The following ZDHHC5 variants were observed in gnomAD, a reference collection of about 807,000 sequenced individuals.
ZDHHC5 encodes the protein zDHHC palmitoyltransferase 5.
A neutral mutation model predicts 70.0 loss-of-function variants in ZDHHC5; 22 were observed. The ratio of observed to expected loss-of-function variants is 0.31; its 90% CI spans 0.22 to 0.45. The LOEUF (loss-of-function observed/expected upper bound fraction) is 0.45. ZDHHC5 is among the 20% of genes least tolerant of loss of function. The pLI, the probability that ZDHHC5 is intolerant of heterozygous loss-of-function variation, is 1.00. For synonymous variants in ZDHHC5, 313 were observed against 347.8 expected, an observed-to-expected ratio of 0.90 and a Z score of 1.11; for missense variants, 746 against 926.9, an observed-to-expected ratio of 0.80 and a Z score of 2.53.
intron 2 of ZDHHC5, among the ~76,000 whole-genome samples, chr11:57,678,366 C>A (rs139684470): frequency 2.6e-5 from 4 of 151,910 alleles, no homozygotes; most frequent in Admixed American, 2.0e-4. Context: ...GTCAGGAGAT[C>A]GAGACCATCC....
intron 8 of ZDHHC5, among the ~76,000 whole-genome samples, chr11:57,695,238 G>A (rs532119478): frequency 6.6e-6 from 1 of 152,012 alleles, no homozygotes; most frequent in Admixed American, 6.6e-5. Flanking sequence ...CTCCGCCTGG[G>A]CAACAAGACC....
At chr11:57,683,927 G>A (rs568171196) in intron 3 of ZDHHC5, among the ~76,000 whole-genome samples, 2 of 151,328 alleles carry the variant, frequency 1.3e-5, no homozygotes, top group African/African-American at 4.9e-5. Flanking sequence ...AGCTCCAATA[G>A]TATGGAAACT....
chr11:57,690,240 G>A (rs1321564742), intron 5 of ZDHHC5, 37 bp downstream of exon 5: 2 of 1,613,116 alleles, frequency 1.2e-6, no homozygotes. Flanking sequence ...GGGATTGGAA[G>A]GGGGAGGAAT....
Position 57,699,422 on chromosome 11 carries a change from A to T in ZDHHC5, c.1982+4A>T. ...TGCAGCCATTACTGACACCCAAGTAAGTATTAGTACTATCCTGACCCTTAG... is the reference window on the plus strand; with the variant it reads ...TGCAGCCATTACTGACACCCAAGTATGTATTAGTACTATCCTGACCCTTAG... On this transcript the variant is annotated splice_donor_region_variant and intron_variant, in intron 11 of 11. Transcript: ENST00000287169. 6.4e-7 allele frequency: 1 copy of T among 1,563,092 alleles called. No individual in the cohort carries two copies. Among genetic ancestry groups the T allele is most frequent in the Non-Finnish European group, 8.7e-7 (1 of 1,155,720 alleles).
chr11:57,696,935 T>C (rs1405068607), intron 10 of ZDHHC5, 62 bp downstream of exon 10: 1 of 1,541,546 alleles, frequency 6.5e-7, no homozygotes, highest in Non-Finnish European at 8.9e-7. Flanking sequence ...AGTGGCTCAT[T>C]CCTGTAATCC....
At chr11:57,680,248 G>A (rs1202187527) in intron 2 of ZDHHC5, among the ~76,000 whole-genome samples, 1 of 152,138 alleles carries the variant, frequency 6.6e-6, no homozygotes, top group Non-Finnish European at 1.5e-5. Context: ...GTGGTGGTGT[G>A]CATCTGTAGT....
At chr11:57,695,863 T>A in intron 8 of ZDHHC5, 57 bp from the exon 9 acceptor site, 1 of 1,584,474 alleles carries the variant, frequency 6.3e-7, no homozygotes, top group Non-Finnish European at 8.6e-7. Context: ...TTTAATACTT[T>A]GAGTTGCCAT....
chr11:57,682,690 C>A, intron 3 of ZDHHC5, 147 bp downstream of exon 3: 2 of 1,026,888 alleles, frequency 1.9e-6, no homozygotes, highest in Non-Finnish European at 2.6e-6. Flanking sequence ...TGATCTTGGG[C>A]CTTAAAGTCC....
At position 57,700,433 on chromosome 11, in the gene ZDHHC5, T is replaced by TA. The variant is rs1326538217; in HGVS notation, c.*403dup. On this transcript the variant is annotated 3_prime_UTR_variant, in exon 12 of 12. Transcript: ENST00000287169. ...ACATATAATATATATATATATATAT[T>TA]ATAAATATCAAAGAAATTATATATC... is the stretch of plus-strand genomic sequence containing the variant. The TA allele has an allele frequency of 5.5e-5, 8 of 145,216 alleles. No individual in the cohort carries two copies. Among genetic ancestry groups the TA allele is most frequent in the East Asian group, 4.4e-4 (2 of 4,594 alleles). The allele number at this position is 145,216 out of a possible 1,614,324, so 9.0% of individuals were successfully genotyped here. A position where few individuals can be genotyped will look rare whatever the true frequency, so the allele number is the denominator to read the frequency against.
Position 57,699,855 on chromosome 11 carries a change from CTT to C in ZDHHC5, c.1983-10_1983-9del, listed in dbSNP as rs1946417129. The C allele has an allele frequency of 1.2e-6, 2 of 1,614,232 alleles. No individual in the cohort carries two copies. Among genetic ancestry groups the C allele is most frequent in the Middle Eastern group, 1.6e-4 (1 of 6,062 alleles). ...ATTTCCTGACACCTACGTCTTGTCT[CTT>C]CTTTCCAGAGATGAAGTACAGCTGA... On this transcript the variant is annotated splice_polypyrimidine_tract_variant and intron_variant, in intron 11 of 11. Coordinates refer to ENST00000287169, the MANE Select transcript of ZDHHC5 (RefSeq NM_015457.3).
intron 2 of ZDHHC5, among the ~76,000 whole-genome samples, chr11:57,674,140 C>T (rs988232448): frequency 2.6e-5 from 4 of 151,762 alleles, no homozygotes; most frequent in South Asian, 2.1e-4. Context: ...TAGTTTCTGC[C>T]GAGGGAATGA....
At chr11:57,695,170 G>A (rs1195051240) in intron 8 of ZDHHC5, among the ~76,000 whole-genome samples, 1 of 152,154 alleles carries the variant, frequency 6.6e-6, no homozygotes, top group South Asian at 2.1e-4. Context: ...GCTGAGGTAG[G>A]AGAATTGCTT....
chr11:57,682,699 C>G (rs1946163965), intron 3 of ZDHHC5, among the ~76,000 whole-genome samples, 156 bp downstream of exon 3: 1 of 151,986 alleles, frequency 6.6e-6, no homozygotes, highest in South Asian at 2.1e-4. Flanking sequence ...GCCTTAAAGT[C>G]CGGGGATTTT....
intron 4 of ZDHHC5, among the ~76,000 whole-genome samples, chr11:57,689,752 A>G (rs1233469476): frequency 1.3e-5 from 2 of 148,958 alleles, no homozygotes; most frequent in African/African-American, 5.0e-5. Context: ...ACAGGCAGTC[A>G]TCATAGTTCA....
intron 3 of ZDHHC5, among the ~76,000 whole-genome samples, chr11:57,684,598 A>G (rs925444633): frequency 2.0e-5 from 3 of 152,198 alleles, no homozygotes; most frequent in Admixed American, 6.5e-5. Flanking sequence ...AAGAAAGGTG[A>G]TAATTGAAAT....
chr11:57,681,146 T>G (rs1946145595), intron 2 of ZDHHC5, among the ~76,000 whole-genome samples: 1 of 152,248 alleles, frequency 6.6e-6, no homozygotes, highest in South Asian at 2.1e-4. Flanking sequence ...GTCTCTTATC[T>G]TGATTTGCTT....
At chr11:57,687,115 G>A (rs1338571628) in intron 3 of ZDHHC5, among the ~76,000 whole-genome samples, 3 of 152,174 alleles carry the variant, frequency 2.0e-5, no homozygotes, top group Non-Finnish European at 4.4e-5. Context: ...ACAGGCATGA[G>A]CCACCGTACC....
chr11:57,673,325 A>C, intron 2 of ZDHHC5, 131 bp downstream of exon 2: 2 of 748,930 alleles, frequency 2.7e-6, no homozygotes, highest in Non-Finnish European at 4.3e-6. Flanking sequence ...GGTAAATCCA[A>C]ATCCCAGAGA....
chr11:57,675,582 G>C (rs1414481113), intron 2 of ZDHHC5, among the ~76,000 whole-genome samples: 2 of 152,168 alleles, frequency 1.3e-5, no homozygotes, highest in Non-Finnish European at 2.9e-5. Flanking sequence ...CTAAGTCATA[G>C]CTGGAGTTCC....
Sources: gnomAD v4.1 joint callset for allele counts (sites outside exome capture counted in the v4.1 genomes callset) on GRCh38, gnomAD v4.1.1 for gene constraint, MANE v1.5 for transcripts, NCBI Gene and HGNC (gene_info 2026-07-23, HGNC 2026-07-21) for gene names.